DNAJC13: variants seen among roughly 807,000 people sequenced by gnomAD.
The protein encoded by DNAJC13 is dnaJ homolog subfamily C member 13.
In DNAJC13, 75 loss-of-function variants were observed where a neutral mutation model predicts 290.5. The ratio of observed to expected loss-of-function variants is 0.26; its 90% confidence interval spans 0.21 to 0.31. The LOEUF (loss-of-function observed/expected upper bound fraction) is 0.31, where lower values mean the gene tolerates loss of function less well. Ranked by LOEUF, DNAJC13 falls within the 10% of genes least tolerant of loss-of-function variation. The probability of loss-of-function intolerance (pLI) is 1.00; values close to 1 mark genes in which losing one functional copy is unlikely to be tolerated. For missense variants in DNAJC13, 2,260 were observed against 2,674.5 expected, an observed-to-expected ratio of 0.85 and a Z score of 3.42; for synonymous variants, 862 against 892.0, an observed-to-expected ratio of 0.97 and a Z score of 0.60.
chr3:132,449,374 TA>T (rs1282352786), intron 5 of DNAJC13, among the ~76,000 whole-genome samples: 3 of 152,152 alleles, frequency 2.0e-5, no homozygotes, highest in Non-Finnish European at 4.4e-5. Flanking sequence ...GAATATCCTA[TA>T]TAGTGGTCTT....
intron 1 of DNAJC13, among the ~76,000 whole-genome samples, chr3:132,426,468 A>T (rs560917592): frequency 6.6e-6 from 1 of 152,358 alleles, no homozygotes; most frequent in South Asian, 2.1e-4. Flanking sequence ...ATAGCCTCTA[A>T]ACAACTGGCA....
chr3:132,534,891 G>A (rs186446520), intron 55 of DNAJC13, among the ~76,000 whole-genome samples: 3 of 152,302 alleles, frequency 2.0e-5, no homozygotes, highest in Admixed American at 2.0e-4. Flanking sequence ...TGTGTATCAT[G>A]TGTTTGATAA....
In DNAJC13 at chr3:132,484,618, A is replaced by T; in HGVS notation, c.3213A>T (p.Leu1071=). Residue 1071 remains leucine, a synonymous_variant, in exon 29 of 56, where the codon CTA becomes CTT. Coordinates refer to ENST00000260818, the MANE Select transcript of DNAJC13 (RefSeq NM_015268.4). ...AAGACAATGCCATCATTCGGCCTCTACCCAAAGTGAAAAGACTGCTGTCAG... is the reference window on the plus strand; with the variant it reads ...AAGACAATGCCATCATTCGGCCTCTTCCCAAAGTGAAAAGACTGCTGTCAG... ...RDQDNAIIRP[L]PKVKRLLSDS... 1 of 1,614,128 alleles carries T rather than the reference A, an allele frequency of 6.2e-7. No individual in the cohort carries two copies. Among genetic ancestry groups the T allele is most frequent in the South Asian group, 1.1e-5 (1 of 91,092 alleles).
At chr3:132,522,096 A>G (rs974427786) in intron 48 of DNAJC13, among the ~76,000 whole-genome samples, 1 of 152,182 alleles carries the variant, frequency 6.6e-6, no homozygotes, top group African/African-American at 2.4e-5. Flanking sequence ...AGCATCTGTT[A>G]TGTGCCAGGG....
At position 132,502,327 on chromosome 3, in the gene DNAJC13, C is replaced by G; in HGVS notation, c.4575C>G (p.Val1525=). 6.2e-7 allele frequency: 1 copy of G among 1,612,348 alleles called. No homozygotes were observed. The change falls in exon 40 of 56, where the codon GTC becomes GTG. Residue 1525 remains valine, a synonymous_variant. Coordinates refer to ENST00000260818, the MANE Select transcript of DNAJC13 (RefSeq NM_015268.4). The part of the protein sequence containing the change: ...PRVAALGVEC[V]SSFAVDFWLQ... ...TAGCTGCTCTTGGGGTAGAATGTGT[C>G]AGTTCTTTTGCTGTGGATTTCTGGC...
At chr3:132,447,567 G>A in intron 4 of DNAJC13, 97 bp downstream of exon 4, 2 of 1,195,850 alleles carry the variant, frequency 1.7e-6, no homozygotes, top group East Asian at 2.9e-5. Flanking sequence ...CTCTGCCCCT[G>A]TACCCACTAT....
intron 1 of DNAJC13, among the ~76,000 whole-genome samples, chr3:132,428,109 A>G (rs921564028): frequency 7.2e-5 from 11 of 152,126 alleles, no homozygotes; most frequent in South Asian, 2.1e-4. Context: ...ATTCCTGACT[A>G]CTGTACTTGG....
At chr3:132,424,327 T>C (rs1939037460) in intron 1 of DNAJC13, among the ~76,000 whole-genome samples, 1 of 152,058 alleles carries the variant, frequency 6.6e-6, no homozygotes, top group Non-Finnish European at 1.5e-5. Context: ...TCAGATGAAA[T>C]GAGCATACAT....
rs140638979 is a variant in DNAJC13 at position 132,452,783 on chromosome 3, C to T, written c.538-515C>T. Among the ~76,000 whole-genome samples, 230 of 152,336 alleles carry T rather than the reference C, an allele frequency of 1.5e-3. 2 individuals carry two copies. Among genetic ancestry groups the T allele is most frequent in the African/African-American group, 5.3e-3 (219 of 41,576 alleles). On this transcript the variant is annotated intron_variant, in intron 6 of 55. Coordinates refer to ENST00000260818, the MANE Select transcript of DNAJC13 (RefSeq NM_015268.4). Reference sequence around the variant, plus strand: ...CCAAGCATTTCAAATAACAGATACTCATCCTGTAGCCTGTTCCCTTACCTT... The same window carrying T: ...CCAAGCATTTCAAATAACAGATACTTATCCTGTAGCCTGTTCCCTTACCTT...
At chr3:132,487,296 G>A (rs1339199000) in intron 29 of DNAJC13, among the ~76,000 whole-genome samples, 3 of 151,620 alleles carry the variant, frequency 2.0e-5, no homozygotes, top group African/African-American at 7.3e-5. Context: ...TTACTCTGTC[G>A]CCCAGGTTGG....
chr3:132,480,533 A>G, intron 26 of DNAJC13, 63 bp downstream of exon 26: 1 of 1,208,172 alleles, frequency 8.3e-7, no homozygotes, highest in Non-Finnish European at 1.2e-6. Flanking sequence ...TAGAGGCAAA[A>G]GAATCATAGA....
At chr3:132,480,283 A>T in intron 25 of DNAJC13, 86 bp from the exon 26 acceptor site, 1 of 765,806 alleles carries the variant, frequency 1.3e-6, no homozygotes, top group Non-Finnish European at 2.2e-6. Flanking sequence ...TGTAGGTGGT[A>T]GTACCTATTG....
At chr3:132,506,803 G>T (rs1448914363) in intron 42 of DNAJC13, among the ~76,000 whole-genome samples, 1 of 151,838 alleles carries the variant, frequency 6.6e-6, no homozygotes, top group Non-Finnish European at 1.5e-5. Context: ...ACCCGCCTCG[G>T]CCTCCCTAAG....
intron 31 of DNAJC13, 56 bp downstream of exon 31, chr3:132,489,077 TAA>T (rs1488235386): frequency 1.6e-5 from 23 of 1,408,766 alleles, no homozygotes; most frequent in Admixed American, 1.2e-4. Flanking sequence ...TTTGGCACTA[TAA>T]AGTTTCCTGA....
intron 21 of DNAJC13, among the ~76,000 whole-genome samples, chr3:132,474,047 G>A (rs565258090): frequency 6.6e-6 from 1 of 152,224 alleles, no homozygotes; most frequent in South Asian, 2.1e-4. Context: ...ATTACTCCAA[G>A]CATATGAGGA....
At chr3:132,510,174 A>G (rs957522002) in intron 43 of DNAJC13, among the ~76,000 whole-genome samples, 5 of 152,184 alleles carry the variant, frequency 3.3e-5, no homozygotes, top group African/African-American at 1.2e-4. Context: ...GGCCAGTTAC[A>G]TGCTCATTTC....
At chr3:132,526,418 T>C in intron 53 of DNAJC13, 137 bp downstream of exon 53, 1 of 923,590 alleles carries the variant, frequency 1.1e-6, no homozygotes, top group South Asian at 1.7e-5. Flanking sequence ...ATAAACAATT[T>C]TATATTTTAT....
chr3:132,511,029 G>T (rs758751617), intron 43 of DNAJC13, 38 bp from the exon 44 acceptor site: 205 of 1,590,690 alleles, frequency 1.3e-4, no homozygotes, highest in Non-Finnish European at 1.6e-4. Flanking sequence ...ATTTCTTAGG[G>T]CACCCATGTT....
In DNAJC13 at chr3:132,447,416, A is replaced by C. The variant is rs1933284167; in HGVS notation, c.240A>C (p.Ser80=). ...LTFRKGSGKK[S]ETLKFSTEHR... is the part of the protein sequence containing the mutation. ...TTCGTAAAGGCAGTGGAAAAAAGTC[A>C]GAAACTTTAAAATTTTCTACAGAGC... is the stretch of plus-strand genomic sequence containing the variant. The change falls in exon 4 of 56, where the codon TCA becomes TCC. Residue 80 remains serine, a synonymous_variant. Coordinates refer to ENST00000260818, the MANE Select transcript of DNAJC13 (RefSeq NM_015268.4). The C allele has an allele frequency of 6.2e-7, 1 of 1,609,758 alleles. No individual in the cohort carries two copies. The highest frequency in any genetic ancestry group is 1.3e-5 in the African/African-American group (1 of 74,536).
Sources: gnomAD v4.1 joint callset for allele counts (sites outside exome capture counted in the v4.1 genomes callset) on GRCh38, gnomAD v4.1.1 for gene constraint, MANE v1.5 for transcripts, NCBI Gene and HGNC (gene_info 2026-07-23, HGNC 2026-07-21) for gene names.